TTN: variants seen among roughly 807,000 people sequenced by gnomAD.
TTN encodes connectin.
TTN carries 1,525 observed loss-of-function variants against 3,223.0 expected under a neutral mutation model. The observed-to-expected ratio is 0.47, with a 90% CI of 0.45 to 0.49. TTN has a LOEUF of 0.49. Ranked by LOEUF, TTN falls within the 20% of genes least tolerant of loss-of-function variation. The pLI, the probability that TTN is intolerant of heterozygous loss-of-function variation, is 0.00. For synonymous variants in TTN, 14,094 were observed against 15,161.0 expected, an observed-to-expected ratio of 0.93 and a Z score of 5.17; for missense variants, 40,786 against 43,424.0, an observed-to-expected ratio of 0.94 and a Z score of 5.40.
chr2:178,677,358 A>G (rs2068327170), intron 146 of TTN, 71 bp from the exon 147 acceptor site: 3 of 499,346 alleles, frequency 6.0e-6, no homozygotes, highest in South Asian at 1.2e-4. Flanking sequence ...ATATATATAT[A>G]TATGAAAGAG....
rs1312544282 is a variant in TTN at position 178,653,524 on chromosome 2, A to G, written c.38627-17T>C. 12 of 1,390,994 alleles carry G rather than the reference A, an allele frequency of 8.6e-6. No individual in the cohort carries two copies. The highest frequency in any genetic ancestry group is 1.2e-5 in the Non-Finnish European group (12 of 1,035,868). 86.2% of individuals were successfully genotyped at this position (1,390,994 alleles called of 1,614,324 possible). A position where few individuals can be genotyped will look rare whatever the true frequency, so the allele number is the denominator to read the frequency against. On this transcript the variant is annotated splice_polypyrimidine_tract_variant and intron_variant, in intron 196 of 362. Transcript: ENST00000589042. ...CTTCAGGCACTTGAAAGATATTAGT[A>G]GTTTTTCACTTAGGTTAATGAGACA...
At position 178,561,922 on chromosome 2, in the gene TTN, G is replaced by A; in HGVS notation, c.84210C>T (p.Asp28070=). ...GAGGATTCCAAGAAATGGTTATGCT[G>A]TCACAACTAACCTCATCAATACGTA... ...GPIRIDEVSC[D]SITISWNPPE... is the part of the protein sequence containing the mutation. The change falls in exon 326 of 363, where the codon GAC becomes GAT. Residue 28070 remains aspartate, a synonymous_variant. Coordinates refer to ENST00000589042, the MANE Select transcript of TTN (RefSeq NM_001267550.2). The A allele has an allele frequency of 6.2e-7, 1 of 1,613,552 alleles. No homozygotes were observed. Among genetic ancestry groups the A allele is most frequent in the Non-Finnish European group, 8.5e-7 (1 of 1,179,728 alleles).
rs781006271 is a variant in TTN, at chr2:178,542,708, C to A, written c.97146G>T (p.Lys32382Asn). 6.8e-6 allele frequency: 11 copies of A among 1,613,668 alleles called. No homozygotes were observed. The South Asian group carries it at 1.2e-4, about 18-fold the overall frequency. Residue 32382 changes from lysine to asparagine, a missense_variant, in exon 348 of 363, where the codon AAG (lysine) becomes AAT (asparagine). Coordinates refer to ENST00000589042, the MANE Select transcript of TTN (RefSeq NM_001267550.2). Reference protein sequence around the residue: ...RDTGEYTLELKNVTGTTSETI... With the variant: ...RDTGEYTLELNNVTGTTSETI... ...TTTCTGAAGTAGTTCCGGTAACATT[C>A]TTCAATTCAAGTGTGTATTCTCCAG...
chr2:178,724,111 G>A lies in TTN; in HGVS notation c.21148C>T (p.Leu7050=), dbSNP rs202089818. 606 of 1,612,592 alleles carry A rather than the reference G, an allele frequency of 3.8e-4. 2 individuals carry two copies. Among genetic ancestry groups the A allele is most frequent in the Middle Eastern group, 1.3e-3 (8 of 6,050 alleles). ...CCTAACACCCCACCAGTATTTTTCA[G>A]TCTTCGTGTGAAAGAGGGAGGAACT... ...RAVPPSFTRR[L]KNTGGVLGAS... The change falls in exon 73 of 363, where the codon CTG becomes TTG. Residue 7050 remains leucine, a synonymous_variant. Transcript: ENST00000589042.
rs1307517578 is a variant in TTN, at chr2:178,799,547, G to C, written c.854C>G (p.Pro285Arg). 6.2e-7 allele frequency: 1 copy of C among 1,614,174 alleles called. No individual in the cohort carries two copies. The highest frequency in any genetic ancestry group is 1.1e-5 in the South Asian group (1 of 91,084). The change falls in exon 6 of 363, where the codon CCC becomes CGC. Residue 285 changes from proline (P) to arginine (R), a missense_variant. Physicochemically the swap from Pro to Arg is moderately radical, Grantham distance 103 (BLOSUM62 -2). Transcript: ENST00000589042. ...GACCGGGGAAGGGGAGTGTCTTATGGGCGATGGGGACTGCTGCCGAGCCAG... is the reference window on the plus strand; with the variant it reads ...GACCGGGGAAGGGGAGTGTCTTATGCGCGATGGGGACTGCTGCCGAGCCAG... ...AQLARQQSPS[P>R]IRHSPSPVRH...
intron 223 of TTN, 149 bp downstream of exon 223, chr2:178,639,550 G>A: frequency 1.2e-6 from 1 of 803,796 alleles, no homozygotes; most frequent in Non-Finnish European, 2.1e-6. Flanking sequence ...GATATCACAT[G>A]AAGAAAAGGT....
intron 304 of TTN, 150 bp downstream of exon 304, chr2:178,588,388 G>T: frequency 2.6e-6 from 3 of 1,151,456 alleles, no homozygotes; most frequent in South Asian, 1.9e-5. Context: ...TACCTTTTAG[G>T]TATTTTGGTA....
rs1268759704 is a variant in TTN at position 178,607,846 on chromosome 2, G to A, written c.52941C>T (p.Val17647=). ...GADYKLRVSA[V]NAAGEGPPGE... ...CAGGCGGTCCTTCCCCTGCGGCATT[G>A]ACAGCACTCACCCGAAGTTTGTAAT... The change falls in exon 276 of 363, where the codon GTC becomes GTT. Residue 17647 remains valine, a synonymous_variant. Coordinates refer to ENST00000589042, the MANE Select transcript of TTN (RefSeq NM_001267550.2). The A allele has an allele frequency of 6.2e-7, 1 of 1,613,044 alleles. No homozygotes were observed. The highest frequency in any genetic ancestry group is 2.2e-5 in the East Asian group (1 of 44,678).
chr2:178,624,034 C>T lies in TTN; in HGVS notation c.44815+431G>A, dbSNP rs2058679099. 2.0e-5 allele frequency among the ~76,000 whole-genome samples: 3 copies of T among 151,894 alleles called. No homozygotes were observed. The South Asian group carries it at 6.2e-4, about 32-fold the overall frequency. ...CCTATTCAGACTGAAATTTCATGCT[C>T]ATTTTCTAGTTGTTCCCCACACCTG... On this transcript the variant is annotated intron_variant, in intron 242 of 362. Transcript: ENST00000589042.
At chr2:178,545,765 C>T in intron 343 of TTN, 55 bp downstream of exon 343, 1 of 1,598,290 alleles carries the variant, frequency 6.3e-7, no homozygotes, top group South Asian at 1.1e-5. Flanking sequence ...CTCCCTTCTC[C>T]CCCTGATTCT....
At chr2:178,627,939 A>G (rs1041612766) in intron 240 of TTN, among the ~76,000 whole-genome samples, 1 of 152,060 alleles carries the variant, frequency 6.6e-6, no homozygotes, top group African/African-American at 2.4e-5. Context: ...GATAGGCAAA[A>G]TATATTTTTT....
rs1459999072 is a variant in TTN, at chr2:178,600,955, A to T, written c.55949T>A (p.Val18650Glu). Residue 18650 changes from valine (V) to glutamate (E), a missense_variant, in exon 288 of 363, where the codon GTA becomes GAA. Val to Glu is a moderately radical substitution (Grantham distance 121, BLOSUM62 -2). Coordinates refer to ENST00000589042, the MANE Select transcript of TTN (RefSeq NM_001267550.2). ...EELQFTVEDL[V>E]EGGEYEFRVK... The stretch of plus-strand genomic sequence containing the variant: ...TCGGAATTCATATTCCCCACCCTCT[A>T]CTAGGTCTTCAACAGTAAATTGCAG... 1 of 1,612,988 alleles carries T rather than the reference A, an allele frequency of 6.2e-7. No individual in the cohort carries two copies.
At chr2:178,762,646 G>A (rs1361425168) in intron 43 of TTN, among the ~76,000 whole-genome samples, 1 of 152,108 alleles carries the variant, frequency 6.6e-6, no homozygotes, top group African/African-American at 2.4e-5. Context: ...TAATGAACTT[G>A]CTTTTAAAAT....
rs749714451 is a variant in TTN at position 178,663,900 on chromosome 2, G to C, written c.36367C>G (p.Pro12123Ala). ...CGGATAACCTCTTTGGAAGCTTCTG[G>C]CACTTGAAAGATATTAGTGAAATTA... The part of the protein sequence containing the change: ...KKPEVPPVKV[P>A]EASKEVIREE... Residue 12123 changes from proline to alanine, a missense_variant and splice_region_variant, in exon 170 of 363, where the codon CCA becomes GCA. By Grantham distance (27) the Pro-to-Ala change is conservative. Coordinates refer to ENST00000589042, the MANE Select transcript of TTN (RefSeq NM_001267550.2). 43 of 1,613,150 alleles carry C rather than the reference G, an allele frequency of 2.7e-5. No homozygotes were observed. Among genetic ancestry groups the C allele is most frequent in the South Asian group, 2.6e-4 (24 of 91,078 alleles).
chr2:178,649,402 T>A (rs2062553739), intron 212 of TTN, 71 bp from the exon 213 acceptor site: 1 of 1,327,950 alleles, frequency 7.5e-7, no homozygotes, highest in African/African-American at 1.5e-5. Context: ...ATAAAAAACC[T>A]GTATTTATTG....
At chr2:178,610,698 G>A (rs1403915555) in intron 270 of TTN, among the ~76,000 whole-genome samples, 1 of 151,958 alleles carries the variant, frequency 6.6e-6, no homozygotes, top group Non-Finnish European at 1.5e-5. Context: ...GTGAAGCTGT[G>A]CAATTAAAAA....
At chr2:178,630,453 A>G in intron 238 of TTN, 86 bp from the exon 239 acceptor site, 1 of 1,435,892 alleles carries the variant, frequency 7.0e-7, no homozygotes, top group South Asian at 1.3e-5. Context: ...AATTAAAGGA[A>G]TGCAACAAAT....
In TTN at chr2:178,615,632, T is replaced by C. The variant is rs1427925464; in HGVS notation, c.48460+9A>G. 4.3e-6 allele frequency: 7 copies of C among 1,612,106 alleles called. No homozygotes were observed. Among genetic ancestry groups the C allele is most frequent in the Admixed American group, 1.7e-5 (1 of 59,898 alleles). On this transcript the variant is annotated intron_variant, in intron 258 of 362. Coordinates refer to ENST00000589042, the MANE Select transcript of TTN (RefSeq NM_001267550.2). ...AGATTAGGTAAGAAATCATCAAGAA[T>C]GTACTCACTTGCAGGAGTTGACATA...
chr2:178,559,261 C>T (rs1190131130), intron 326 of TTN, 50 bp downstream of exon 326: 3 of 1,489,206 alleles, frequency 2.0e-6, no homozygotes, highest in Admixed American at 2.1e-5. Context: ...TCACACTATT[C>T]TAGCAAAATT....
Sources: allele counts gnomAD v4.1 joint callset (sites outside exome capture counted in the v4.1 genomes callset), GRCh38; gene constraint gnomAD v4.1.1; transcripts MANE v1.5; gene names NCBI Gene and HGNC (gene_info 2026-07-23, HGNC 2026-07-21).